NECTIN3: variants seen among roughly 807,000 people sequenced by gnomAD.
NECTIN3 encodes nectin cell adhesion molecule 3, also known as nectin-3.
NECTIN3 carries 8 observed loss-of-function variants against 49.4 expected under a neutral mutation model. The ratio of observed to expected loss-of-function variants is 0.16; its 90% CI spans 0.10 to 0.29. The LOEUF is 0.29. Among genes scored for constraint, NECTIN3 ranks in the 10% least tolerant of loss-of-function variants. The pLI is 1.00. For synonymous variants in NECTIN3, 277 were observed against 241.1 expected (o/e 1.15, Z -1.38); for missense variants, 581 against 654.6 (o/e 0.89, Z 1.23).
Position 111,135,073 on chromosome 3 carries a change from C to T in NECTIN3, c.*858C>T, listed in dbSNP as rs1576150946. On this transcript the variant is annotated 3_prime_UTR_variant, in exon 6 of 6. Coordinates refer to ENST00000485303, the MANE Select transcript of NECTIN3 (RefSeq NM_015480.3). ...AAACATACTAATAGAAATGAAAAGACGCAGAGAGAGCATTTCGGAATACTG... is the reference window on the plus strand; with the variant it reads ...AAACATACTAATAGAAATGAAAAGATGCAGAGAGAGCATTTCGGAATACTG... The T allele has an allele frequency of 1.5e-5, 15 of 980,170 alleles. No homozygotes were observed. The South Asian group carries it at 3.3e-4, about 22-fold the overall frequency. 60.7% of individuals were successfully genotyped at this position (980,170 alleles called of 1,614,324 possible). A position where few individuals can be genotyped will look rare whatever the true frequency, so the allele number is the denominator to read the frequency against.
At position 111,136,560 on chromosome 3, in the gene NECTIN3, G is replaced by C. The variant is rs2034582818; in HGVS notation, c.*2345G>C. 3.2e-6 allele frequency: 3 copies of C among 948,078 alleles called. No individual in the cohort carries two copies. Among genetic ancestry groups the C allele is most frequent in the Non-Finnish European group, 3.8e-6 (3 of 796,260 alleles). The allele number at this position is 948,078 out of a possible 1,614,324, so 58.7% of individuals were successfully genotyped here. On this transcript the variant is annotated 3_prime_UTR_variant, in exon 6 of 6. Transcript: ENST00000485303. ...ACTTTATGTATATTTACTGTACATAGAGACTTGTTTGAAAACATGAATAGT... is the reference window on the plus strand; with the variant it reads ...ACTTTATGTATATTTACTGTACATACAGACTTGTTTGAAAACATGAATAGT...
intron 1 of NECTIN3, among the ~76,000 whole-genome samples, chr3:111,107,817 G>T (rs189726430): frequency 5.3e-5 from 8 of 152,152 alleles, no homozygotes; most frequent in African/African-American, 1.9e-4. Context: ...AAGATTCCAT[G>T]GGGGAAAATC....
In NECTIN3 at chr3:111,080,955, GACAGATAAA is replaced by G. The variant is rs547408307; in HGVS notation, c.160+8783_160+8791del. On this transcript the variant is annotated intron_variant, in intron 1 of 5. Transcript: ENST00000485303. ...TTTGAGCTATGTCTTCAAGAGTTTAGACAGATAAAACAGGGTGGTTTTAAACATATTTAA... is the reference window on the plus strand; with the variant it reads ...TTTGAGCTATGTCTTCAAGAGTTTAGACAGGGTGGTTTTAAACATATTTAA... 9.9e-5 allele frequency among the ~76,000 whole-genome samples: 15 copies of G among 152,264 alleles called. No individual in the cohort carries two copies. In the East Asian group the frequency reaches 2.7e-3, roughly 27 times the overall value.
At chr3:111,129,856 C>T (rs1228294191) in intron 5 of NECTIN3, among the ~76,000 whole-genome samples, 1 of 151,772 alleles carries the variant, frequency 6.6e-6, no homozygotes, top group Non-Finnish European at 1.5e-5. Context: ...CACCGTGTTG[C>T]CCAGGCTGGT....
chr3:111,194,165 T>C (rs1057033405), intron 1 of NECTIN3, among the ~76,000 whole-genome samples: 3 of 152,164 alleles, frequency 2.0e-5, no homozygotes, highest in Admixed American at 6.5e-5. Flanking sequence ...AAAAACCTTG[T>C]TTAAATGGTG....
At chr3:111,192,236 AG>A (rs137968265), upstream of NECTIN3, 16,269 of 894,524 alleles carry the variant, frequency 0.018, 917 homozygotes, top group East Asian at 0.19. Flanking sequence ...CATTTTGCTT[AG>A]TTGGTAGACA....
At chr3:111,192,282 A>G (rs1334643556), upstream of NECTIN3, 6 of 1,344,012 alleles carry the variant, frequency 4.5e-6, no homozygotes, top group Non-Finnish European at 6.1e-6. Context: ...TTTTAAAAAT[A>G]GGAATCTTAG....
At chr3:111,184,548 T>C (rs560802294) in intron 7 of NECTIN3, among the ~76,000 whole-genome samples, 5 of 152,188 alleles carry the variant, frequency 3.3e-5, no homozygotes, top group Non-Finnish European at 7.3e-5. Flanking sequence ...TTCCCAGCCT[T>C]CATGAGCCAA....
intron 1 of NECTIN3, among the ~76,000 whole-genome samples, chr3:111,081,575 C>A (rs906646008): frequency 1.3e-5 from 2 of 152,024 alleles, no homozygotes; most frequent in African/African-American, 4.8e-5. Flanking sequence ...ATACAACAAA[C>A]AATACAGTGA....
intron 7 of NECTIN3, among the ~76,000 whole-genome samples, chr3:111,184,077 C>A (rs2035676425): frequency 6.6e-6 from 1 of 152,022 alleles, no homozygotes; most frequent in East Asian, 1.9e-4. Context: ...ATAGATTCTG[C>A]CTTTAAGTAC....
At chr3:111,130,733 G>C (rs1037663227) in intron 5 of NECTIN3, among the ~76,000 whole-genome samples, 1 of 151,924 alleles carries the variant, frequency 6.6e-6, no homozygotes, top group Non-Finnish European at 1.5e-5. Flanking sequence ...ATTTAGGATT[G>C]CAATATTCAA....
intron 1 of NECTIN3, among the ~76,000 whole-genome samples, chr3:111,109,578 G>A (rs1203182709): frequency 2.0e-5 from 3 of 150,914 alleles, no homozygotes; most frequent in Admixed American, 6.6e-5. Context: ...CAAGTATTTT[G>A]CTCATGCTCT....
At chr3:111,189,994 C>CA, upstream of NECTIN3, among the ~76,000 whole-genome samples, 1 of 152,222 alleles carries the variant, frequency 6.6e-6, no homozygotes. Context: ...TAGCAGTGGC[C>CA]AAAAACCACA....
At chr3:111,162,597 C>G (rs2035235783) in intron 7 of NECTIN3, among the ~76,000 whole-genome samples, 1 of 152,120 alleles carries the variant, frequency 6.6e-6, no homozygotes, top group Non-Finnish European at 1.5e-5. Flanking sequence ...TGAGAATGGA[C>G]TAATGCAATC....
rs773519694 is a variant in NECTIN3 at position 111,097,213 on chromosome 3, A to G, written c.161-14817A>G. Among the ~76,000 whole-genome samples the G allele has an allele frequency of 3.7e-4, 57 of 152,258 alleles. 2 individuals carry two copies. Among genetic ancestry groups the G allele is most frequent in the Non-Finnish European group, 1.3e-4 (9 of 68,014 alleles). ...CAAAGGAGATCATTTTGGAGCTTTA[A>G]GTTTTGCCTGCCCCACTGGACTTCA... is the stretch of plus-strand genomic sequence containing the variant. On this transcript the variant is annotated intron_variant, in intron 1 of 5. Coordinates refer to ENST00000485303, the MANE Select transcript of NECTIN3 (RefSeq NM_015480.3).
At chr3:111,170,717 C>A (rs990972797) in intron 7 of NECTIN3, among the ~76,000 whole-genome samples, 1 of 152,140 alleles carries the variant, frequency 6.6e-6, no homozygotes, top group African/African-American at 2.4e-5. Flanking sequence ...TGTGATCAGA[C>A]ATTACCTGGG....
chr3:111,163,837 T>C (rs2107521947), intron 7 of NECTIN3, among the ~76,000 whole-genome samples: 1 of 152,228 alleles, frequency 6.6e-6, no homozygotes, highest in South Asian at 2.1e-4. Flanking sequence ...ATAAATAATA[T>C]TTGGAGAAAG....
chr3:111,084,827 G>C (rs937363537), intron 1 of NECTIN3, among the ~76,000 whole-genome samples: 1 of 152,140 alleles, frequency 6.6e-6, no homozygotes, highest in South Asian at 2.1e-4. Flanking sequence ...ATTGATGTAG[G>C]AATTAGATGT....
intron 1 of NECTIN3, among the ~76,000 whole-genome samples, chr3:111,083,846 A>G (rs952771381): frequency 1.3e-5 from 2 of 152,220 alleles, no homozygotes; most frequent in Admixed American, 1.3e-4. Flanking sequence ...TGTCTCCTGG[A>G]CGCTGGATGA....
Sources: gnomAD v4.1 joint callset for allele counts (sites outside exome capture counted in the v4.1 genomes callset) on GRCh38, gnomAD v4.1.1 for gene constraint, MANE v1.5 for transcripts, NCBI Gene and HGNC (gene_info 2026-07-23, HGNC 2026-07-21) for gene names.